The following TMEM63C variants were observed in gnomAD, a reference collection of about 807,000 sequenced individuals.
TMEM63C encodes transmembrane protein 63C, also known as osmosensitive cation channel TMEM63C.
TMEM63C carries 32 observed loss-of-function variants against 99.2 expected under a neutral mutation model. That is an observed-to-expected ratio of 0.32 (90% CI 0.24 to 0.43). The LOEUF is 0.43. Among genes scored for constraint, TMEM63C ranks in the 20% least tolerant of loss-of-function variants. The pLI is 1.00. For missense variants in TMEM63C, 826 were observed against 1,053.0 expected (o/e 0.78, Z 2.98); for synonymous variants, 376 against 397.9 (o/e 0.94, Z 0.66).
At chr14:77,211,704 C>CCTTTGCCCAGTTGCCAAAGACAA (rs1408008919) in intron 1 of TMEM63C, among the ~76,000 whole-genome samples, 1 of 152,196 alleles carries the variant, frequency 6.6e-6, no homozygotes, top group Non-Finnish European at 1.5e-5. Flanking sequence ...CTTTTTGAAG[C>CCTTTGCCCAGTTGCCAAAGACAA]CTTTGCCCAG....
intron 1 of TMEM63C, among the ~76,000 whole-genome samples, chr14:77,196,972 A>T (rs1162586140): frequency 6.6e-6 from 1 of 152,196 alleles, no homozygotes; most frequent in Non-Finnish European, 1.5e-5. Context: ...CCCACTTTGC[A>T]AAAGGAACAT....
At chr14:77,192,561 C>G (rs1888128842) in intron 1 of TMEM63C, among the ~76,000 whole-genome samples, 1 of 152,040 alleles carries the variant, frequency 6.6e-6, no homozygotes, top group Non-Finnish European at 1.5e-5. Context: ...ACCACAATCC[C>G]TACATCAAAA....
At chr14:77,186,842 G>C (rs1018686735) in intron 1 of TMEM63C, among the ~76,000 whole-genome samples, 122 of 72,798 alleles carry the variant, frequency 1.7e-3, no homozygotes, top group African/African-American at 5.3e-3. Flanking sequence ...TGTGTGGTGT[G>C]GGCAGGGAGT....
intron 23 of TMEM63C, among the ~76,000 whole-genome samples, chr14:77,255,727 A>G (rs1203502534): frequency 9.9e-5 from 15 of 152,234 alleles, no homozygotes; most frequent in Admixed American, 9.8e-4. Flanking sequence ...TGACCTTCTA[A>G]TTAGGGGAAT....
intron 5 of TMEM63C, among the ~76,000 whole-genome samples, chr14:77,221,789 C>G (rs899499945): frequency 1.3e-5 from 2 of 150,704 alleles, no homozygotes; most frequent in African/African-American, 4.9e-5. Context: ...CCGCTAAATC[C>G]AATGGACTTT....
At chr14:77,242,303 C>A in intron 13 of TMEM63C, 44 bp from the exon 14 acceptor site, 1 of 1,589,722 alleles carries the variant, frequency 6.3e-7, no homozygotes, top group South Asian at 1.1e-5. Flanking sequence ...GCCCATCCCC[C>A]CACCCCCAGA....
chr14:77,203,708 G>A (rs1317707086), intron 1 of TMEM63C, among the ~76,000 whole-genome samples: 1 of 152,276 alleles, frequency 6.6e-6, no homozygotes, highest in African/African-American at 2.4e-5. Context: ...CAGAGCAGGT[G>A]TTCAGTGCAG....
chr14:77,236,614 C>A lies in TMEM63C; in HGVS notation c.543-10C>A, dbSNP rs1267535259. On this transcript the variant is annotated splice_polypyrimidine_tract_variant and intron_variant, in intron 8 of 23. Transcript: ENST00000298351. ...GGCTGACCTCACTGCTGCTGCCTCC[C>A]TCCCTGCAGGAGCAAGCTCCTGTGG... 6 of 1,602,398 alleles carry A rather than the reference C, an allele frequency of 3.7e-6. No individual in the cohort carries two copies. The East Asian group carries it at 1.1e-4, about 30-fold the overall frequency.
intron 23 of TMEM63C, among the ~76,000 whole-genome samples, chr14:77,254,152 G>A (rs1289391828): frequency 6.6e-6 from 1 of 152,232 alleles, no homozygotes; most frequent in East Asian, 1.9e-4. Context: ...TGGGGCAAGA[G>A]TTTTCAAGGA....
Position 77,256,840 on chromosome 14 carries a change from C to T in TMEM63C, c.*114C>T, listed in dbSNP as rs1262651675. ...ACTACCTCCTGCAGACTTTGAGAAG[C>T]CCACAGTGGAGACATCCACCACCCC... is the stretch of plus-strand genomic sequence containing the variant. On this transcript the variant is annotated 3_prime_UTR_variant, in exon 24 of 24. Transcript: ENST00000298351. 6.9e-6 allele frequency: 7 copies of T among 1,007,974 alleles called. No individual in the cohort carries two copies. The highest frequency in any genetic ancestry group is 1.0e-5 in the Non-Finnish European group (7 of 692,276). 62.4% of individuals were successfully genotyped at this position (1,007,974 alleles called of 1,614,324 possible). A position where few individuals can be genotyped will look rare whatever the true frequency, so the allele number is the denominator to read the frequency against.
At chr14:77,205,536 G>A (rs376614342) in intron 1 of TMEM63C, among the ~76,000 whole-genome samples, 14 of 152,370 alleles carry the variant, frequency 9.2e-5, no homozygotes, top group Middle Eastern at 3.4e-3. Flanking sequence ...AGACCAGGGG[G>A]TGTACCCAGA....
intron 1 of TMEM63C, among the ~76,000 whole-genome samples, chr14:77,202,279 C>A (rs1231535699): frequency 1.7e-5 from 2 of 116,838 alleles, no homozygotes; most frequent in East Asian, 5.5e-4. Context: ...CCCCTCAAAA[C>A]ATACTCAGAT....
intron 1 of TMEM63C, among the ~76,000 whole-genome samples, chr14:77,212,829 G>A (rs1888514653): frequency 6.6e-6 from 1 of 152,166 alleles, no homozygotes; most frequent in South Asian, 2.1e-4. Context: ...CAACCTGCTG[G>A]ATGGAATTCC....
At chr14:77,223,001 G>A (rs1427050094) in intron 5 of TMEM63C, among the ~76,000 whole-genome samples, 2 of 152,082 alleles carry the variant, frequency 1.3e-5, no homozygotes, top group Non-Finnish European at 2.9e-5. Flanking sequence ...TTTGTCAGTT[G>A]CGCTAAGTAA....
At chr14:77,228,151 A>T (rs188543582) in intron 6 of TMEM63C, among the ~76,000 whole-genome samples, 2 of 152,282 alleles carry the variant, frequency 1.3e-5, no homozygotes, top group Admixed American at 1.3e-4. Flanking sequence ...AATTGTGAGT[A>T]GGAAGAAGGG....
At chr14:77,236,998 C>CCTCCA (rs1377673424) in intron 9 of TMEM63C, among the ~76,000 whole-genome samples, 4 of 149,006 alleles carry the variant, frequency 2.7e-5, no homozygotes, top group African/African-American at 5.0e-5. Flanking sequence ...CTCTCACCCT[C>CCTCCA]CTCCACGCTG....
rs149327026 is a variant in TMEM63C, at chr14:77,183,580, G to A, written c.-77+1686G>A. 6.1e-3 allele frequency among the ~76,000 whole-genome samples: 934 copies of A among 152,222 alleles called. 7 individuals are homozygous for A. The highest frequency in any genetic ancestry group is 9.5e-3 in the Non-Finnish European group (643 of 68,018). ...AGGGAGTGGGGATCCACAGGTAGAGGGACTTCATTTATCTCCCTGACAGCA... is the reference window on the plus strand; with the variant it reads ...AGGGAGTGGGGATCCACAGGTAGAGAGACTTCATTTATCTCCCTGACAGCA... On this transcript the variant is annotated intron_variant, in intron 1 of 23. Transcript: ENST00000298351.
At chr14:77,236,965 CCACCCTCTCACGCTCCTCCACCCTCT>C (rs1254125092) in intron 9 of TMEM63C, among the ~76,000 whole-genome samples, 2 of 123,326 alleles carry the variant, frequency 1.6e-5, no homozygotes, top group Non-Finnish European at 3.4e-5. Flanking sequence ...CCACGCTGCT[CCACCCTCTCACGCTCCTCCACCCTCT>C]CACCCTCCTC....
intron 15 of TMEM63C, among the ~76,000 whole-genome samples, chr14:77,243,444 G>A (rs1186815338): frequency 3.3e-5 from 5 of 152,178 alleles, no homozygotes; most frequent in African/African-American, 1.2e-4. Flanking sequence ...GTTGTCCGAG[G>A]CAGCAGGCTC....
Sources: allele counts gnomAD v4.1 joint callset (sites outside exome capture counted in the v4.1 genomes callset), GRCh38; gene constraint gnomAD v4.1.1; transcripts MANE v1.5; gene names NCBI Gene and HGNC (gene_info 2026-07-23, HGNC 2026-07-21).